AGL: variants seen among roughly 807,000 people sequenced by gnomAD.
AGL encodes the protein amylo-alpha-1,6-glucosidase and 4-alpha-glucanotransferase, also known as glycogen debranching enzyme.
A neutral mutation model predicts 199.3 loss-of-function variants in AGL; 128 were observed. The ratio of observed to expected loss-of-function variants is 0.64; its 90% CI spans 0.56 to 0.74. The LOEUF is 0.74. Among genes scored for constraint, AGL ranks in the 30% least tolerant of loss-of-function variants. AGL has a pLI of 0.00. For synonymous variants in AGL, 584 were observed against 594.7 expected, an observed-to-expected ratio of 0.98 and a Z score of 0.26; for missense variants, 1,809 against 1,820.8, an observed-to-expected ratio of 0.99 and a Z score of 0.12.
At chr1:99,871,947 A>C (rs1651053331) in intron 7 of AGL, among the ~76,000 whole-genome samples, 1 of 151,782 alleles carries the variant, frequency 6.6e-6, no homozygotes, top group Non-Finnish European at 1.5e-5. Flanking sequence ...ATTCAATTTT[A>C]TATATAATTT....
rs927512100 is a variant in AGL at position 99,880,852 on chromosome 1, C to A, written c.1899+57C>A. The A allele has an allele frequency of 1.4e-5, 22 of 1,572,664 alleles. No individual in the cohort carries two copies. In the African/African-American group the frequency reaches 1.8e-4, roughly 13 times the overall value. On this transcript the variant is annotated intron_variant, in intron 14 of 33. Coordinates refer to ENST00000361915, the MANE Select transcript of AGL (RefSeq NM_000642.3). ...TTGCTAAATGCTTTGATATTTAACT[C>A]TCTGACACTTGGTCACAATCATACC...
chr1:99,919,552 A>G (rs1191197077), intron 33 of AGL, among the ~76,000 whole-genome samples: 1 of 152,214 alleles, frequency 6.6e-6, no homozygotes, highest in Admixed American at 6.5e-5. Context: ...CCCCCAGTAG[A>G]TAGGGCTAGG....
intron 5 of AGL, among the ~76,000 whole-genome samples, chr1:99,870,135 T>C (rs1484479568): frequency 2.0e-5 from 3 of 152,126 alleles, no homozygotes; most frequent in Non-Finnish European, 4.4e-5. Flanking sequence ...TACAAAAGTG[T>C]TACCTATGAG....
intron 2 of AGL, chr1:99,852,781 TG>T (rs1489129761): frequency 2.6e-6 from 2 of 774,492 alleles, no homozygotes; most frequent in Admixed American, 1.7e-5. Flanking sequence ...ATGAATTTTT[TG>T]TGATAAAGCC....
At chr1:99,875,478 C>A (rs1170662132) in intron 10 of AGL, 23 bp downstream of exon 10, 2 of 1,590,408 alleles carry the variant, frequency 1.3e-6, no homozygotes, top group Non-Finnish European at 8.6e-7. Flanking sequence ...TGTTTTTTTT[C>A]TTATTGATGG....
intron 7 of AGL, among the ~76,000 whole-genome samples, chr1:99,874,284 T>C (rs1030618811): frequency 2.0e-5 from 3 of 149,182 alleles, no homozygotes; most frequent in Admixed American, 2.0e-4. Context: ...CATGTATACA[T>C]GTATAACAAA....
intron 2 of AGL, among the ~76,000 whole-genome samples, chr1:99,857,731 A>G (rs1453003018): frequency 1.4e-5 from 2 of 147,906 alleles, no homozygotes; most frequent in African/African-American, 5.0e-5. Flanking sequence ...AGAATCAGGC[A>G]GGGAGGTTGC....
intron 4 of AGL, among the ~76,000 whole-genome samples, chr1:99,863,950 A>G (rs1650291014): frequency 6.6e-6 from 1 of 152,024 alleles, no homozygotes; most frequent in African/African-American, 2.4e-5. Flanking sequence ...TCTCAATATT[A>G]ATTTTCTGCT....
intron 7 of AGL, among the ~76,000 whole-genome samples, chr1:99,872,257 A>G (rs1651079536): frequency 6.6e-6 from 1 of 152,308 alleles, no homozygotes; most frequent in South Asian, 2.1e-4. Flanking sequence ...GGTAAACAGA[A>G]CAAAGTCCTT....
At chr1:99,900,956 C>T in intron 26 of AGL, 95 bp downstream of exon 26, 3 of 1,116,784 alleles carry the variant, frequency 2.7e-6, no homozygotes. Context: ...AATTAAGAAT[C>T]CAAATCTTAC....
intron 22 of AGL, 68 bp downstream of exon 22, chr1:99,891,424 T>C: frequency 1.3e-6 from 2 of 1,565,436 alleles, no homozygotes. Context: ...ATGTTATATA[T>C]AATATTTACA....
chr1:99,884,136 A>T lies in AGL; in HGVS notation c.2325A>T (p.Val775=). The part of the protein sequence containing the change: ...QMCIPGKIEE[V]VLEARTIERN... ...TATTCCTAGGCAAAATTGAAGAAGT[A>T]GTTCTTGAAGCTAGAACTATTGAGA... The change falls in exon 18 of 34, where the codon GTA becomes GTT. Residue 775 remains valine (V), a synonymous_variant. Coordinates refer to ENST00000361915, the MANE Select transcript of AGL (RefSeq NM_000642.3). 1 of 1,612,026 alleles carries T rather than the reference A, an allele frequency of 6.2e-7. No individual in the cohort carries two copies. The highest frequency in any genetic ancestry group is 8.5e-7 in the Non-Finnish European group (1 of 1,178,506).
In AGL at chr1:99,857,461, G is replaced by A. The variant is rs572319364; in HGVS notation, c.83-4042G>A. The stretch of plus-strand genomic sequence containing the variant: ...GGCACTTTGGGAGGCCAAGGCAGGC[G>A]GCTGGGAGGTGGAGGTTGTAGTGAG... On this transcript the variant is annotated intron_variant, in intron 2 of 33. Transcript: ENST00000361915. Among the ~76,000 whole-genome samples the A allele has an allele frequency of 3.5e-3, 528 of 152,166 alleles. 19 individuals carry two copies. The highest frequency in any genetic ancestry group is 0.032 in the Admixed American group (493 of 15,284).
chr1:99,902,931 A>C (rs1021945993), intron 27 of AGL, 137 bp downstream of exon 27: 9 of 676,484 alleles, frequency 1.3e-5, no homozygotes, highest in Non-Finnish European at 2.3e-5. Context: ...TCCTGATCTC[A>C]CCAAGTTTTT....
At position 99,916,470 on chromosome 1, in the gene AGL, T is replaced by TAA. The variant is rs1057516994; in HGVS notation, c.4322_4323dup (p.Gly1442LysfsTer28). ...TAGACAATGACAACTACAATCTTGC[T>TAA]AAAGGTTTCAATTATCACCAAGGAC... On this transcript the variant is annotated frameshift_variant, in exon 32 of 34. Transcript: ENST00000361915. LOFTEE classifies it high-confidence loss of function. 1 of 1,612,740 alleles carries TAA rather than the reference T, an allele frequency of 6.2e-7. No homozygotes were observed. The highest frequency in any genetic ancestry group is 8.5e-7 in the Non-Finnish European group (1 of 1,179,180).
At chr1:99,875,544 CAT>C in intron 10 of AGL, 89 bp downstream of exon 10, 3 of 1,064,368 alleles carry the variant, frequency 2.8e-6, no homozygotes, top group South Asian at 2.7e-5. Flanking sequence ...TTTTCTTTAA[CAT>C]GTGAGTTCAG....
At chr1:99,871,415 C>T (rs550225159) in intron 7 of AGL, among the ~76,000 whole-genome samples, 2 of 136,068 alleles carry the variant, frequency 1.5e-5, no homozygotes, top group Non-Finnish European at 3.0e-5. Context: ...AATGTGCCCC[C>T]CCCCCCCCAA....
In AGL at chr1:99,913,572, A is replaced by C. The variant is rs1307239855; in HGVS notation, c.3995A>C (p.Gln1332Pro). The part of the protein sequence containing the change: ...VSYDEWNRKI[Q>P]DNFEKLFHVS... ...TATGATGAGTGGAACAGAAAAATAC[A>C]AGACAACTTTGAAAAGCTATTTCAT... The change falls in exon 30 of 34, where the codon CAA becomes CCA. Residue 1332 changes from glutamine (Q) to proline (P), a missense_variant. Gln to Pro is a moderately conservative substitution (Grantham distance 76). Transcript: ENST00000361915. The C allele has an allele frequency of 1.9e-6, 3 of 1,613,924 alleles. No individual in the cohort carries two copies. The highest frequency in any genetic ancestry group is 2.5e-6 in the Non-Finnish European group (3 of 1,179,988).
chr1:99,887,984 C>T lies in AGL; in HGVS notation c.2688C>T (p.Ala896=), dbSNP rs1165777431. The T allele has an allele frequency of 6.8e-6, 11 of 1,613,162 alleles. No homozygotes were observed. Among genetic ancestry groups the T allele is most frequent in the Non-Finnish European group, 9.3e-6 (11 of 1,179,528 alleles). Residue 896 remains alanine (A), a synonymous_variant, in exon 21 of 34, where the codon GCC becomes GCT. Transcript: ENST00000361915. ...PILKIPFASL[A]SRLTLAELNQ... is the part of the protein sequence containing the mutation. ...TTTATTTTCCAATTCTTAGTCTTGC[C>T]TCCAGATTAACTTTGGCTGAGCTAA...
Sources: allele counts gnomAD v4.1 joint callset (sites outside exome capture counted in the v4.1 genomes callset), GRCh38; gene constraint gnomAD v4.1.1; transcripts MANE v1.5; gene names NCBI Gene and HGNC (gene_info 2026-07-23, HGNC 2026-07-21).